Variants in DNAH2 observed in about 807,000 individuals in gnomAD.
DNAH2 encodes the protein axonemal beta dynein heavy chain 2.
In DNAH2, 323 loss-of-function variants were observed where a neutral mutation model predicts 523.5. The ratio of observed to expected loss-of-function variants is 0.62; its 90% CI spans 0.56 to 0.68. The LOEUF (loss-of-function observed/expected upper bound fraction) is 0.68. Among genes scored for constraint, DNAH2 ranks in the 30% least tolerant of loss-of-function variants. DNAH2 has a pLI of 0.00. For missense variants in DNAH2, 4,907 were observed against 5,701.5 expected (o/e 0.86, Z 4.49); for synonymous variants, 2,093 against 2,177.4 (o/e 0.96, Z 1.08).
chr17:7,728,353 A>G (rs2543540), intron 4 of DNAH2, among the ~76,000 whole-genome samples: 94,237 of 152,010 alleles, frequency 0.62, 30,106 homozygotes, highest in East Asian at 1. Flanking sequence ...TGCTTTGCTC[A>G]TATTGGCGGC....
In DNAH2 at chr17:7,743,043, G is replaced by T; in HGVS notation, c.1805G>T (p.Trp602Leu). ...DELVRKTFQE[W>L]TSSLDKDCIR... Reference sequence around the variant, plus strand: ...CTGGTTCGAAAAACCTTCCAAGAGTGGACATCAAGTCTGGACAAGGATTGC... The same window carrying T: ...CTGGTTCGAAAAACCTTCCAAGAGTTGACATCAAGTCTGGACAAGGATTGC... The change falls in exon 12 of 86, where the codon TGG becomes TTG. Residue 602 changes from tryptophan (W) to leucine (L), a missense_variant. Trp to Leu is a moderately conservative substitution (Grantham distance 61, BLOSUM62 -2). Around this residue, in one of 3 missense-constraint regions of DNAH2, gnomAD observed 2,806 missense variants for 3,190.8 expected, o/e 0.88. Coordinates refer to ENST00000572933, the MANE Select transcript of DNAH2 (RefSeq NM_020877.5). 1 of 1,527,390 alleles carries T rather than the reference G, an allele frequency of 6.5e-7. No homozygotes were observed. Among genetic ancestry groups the T allele is most frequent in the Non-Finnish European group, 8.8e-7 (1 of 1,142,000 alleles). The allele number at this position is 1,527,390 out of a possible 1,614,324, so 94.6% of individuals were successfully genotyped here. A position where few individuals can be genotyped will look rare whatever the true frequency, so the allele number is the denominator to read the frequency against.
chr17:7,721,376 G>A (rs916289493), intron 2 of DNAH2, among the ~76,000 whole-genome samples: 54 of 152,058 alleles, frequency 3.6e-4, no homozygotes, highest in Admixed American at 7.2e-4. Flanking sequence ...GTTTCACCAT[G>A]TTGCCCAGGC....
At position 7,786,828 on chromosome 17, in the gene DNAH2, C is replaced by T. The variant is rs1023735771; in HGVS notation, c.6467-69C>T. The T allele has an allele frequency of 1.9e-5, 31 of 1,608,862 alleles. No homozygotes were observed. The highest frequency in any genetic ancestry group is 1.7e-4 in the Middle Eastern group (1 of 6,046). ...ACAAGGGAGTGTAGGCTTGTGTCTC[C>T]GAGGAGCGTGAGCGGAGGGTGCAAG... On this transcript the variant is annotated intron_variant, in intron 41 of 85. Transcript: ENST00000572933. The surrounding 1 kb of genome is among the most constrained non-coding windows in gnomAD (Gnocchi z 7.5).
At chr17:7,722,239 G>A (rs989223890) in intron 2 of DNAH2, among the ~76,000 whole-genome samples, 6 of 151,806 alleles carry the variant, frequency 4.0e-5, no homozygotes, top group African/African-American at 1.5e-4. Flanking sequence ...GCCTGACTTC[G>A]GGCGATCCAC....
chr17:7,816,808 TGAG>T (rs1314529804), intron 64 of DNAH2, 73 bp downstream of exon 64: 1 of 1,560,110 alleles, frequency 6.4e-7, no homozygotes, highest in African/African-American at 1.4e-5. Context: ...CCTTTTAGCT[TGAG>T]GAGCAGTCAG....
At chr17:7,725,451 G>A in intron 3 of DNAH2, among the ~76,000 whole-genome samples, 1 of 84,920 alleles carries the variant, frequency 1.2e-5, no homozygotes, top group Non-Finnish European at 2.9e-5. Flanking sequence ...TTTTCTTTTT[G>A]AGACAGAGTC....
Position 7,832,643 on chromosome 17 carries a change from T to C in DNAH2, c.12791T>C (p.Phe4264Ser), listed in dbSNP as rs1567774625. 2.5e-6 allele frequency: 4 copies of C among 1,614,148 alleles called. No individual in the cohort carries two copies. In the East Asian group the frequency reaches 8.9e-5, roughly 36 times the overall value. The change falls in exon 83 of 86, where the codon TTT becomes TCT. Residue 4264 changes from phenylalanine (F) to serine (S), a missense_variant. Coordinates refer to ENST00000572933, the MANE Select transcript of DNAH2 (RefSeq NM_020877.5). The surrounding 1 kb of genome is among the most constrained non-coding windows in gnomAD (Gnocchi z 4.3). ...GACTTGGCCATGCGTGTGGAGCAGTTTGAGCTGTGGGCCAGCCGGGCCCGG... is the reference window on the plus strand; with the variant it reads ...GACTTGGCCATGCGTGTGGAGCAGTCTGAGCTGTGGGCCAGCCGGGCCCGG... ...TRDLAMRVEQFELWASRARPP... is the reference protein window; with the variant it reads ...TRDLAMRVEQSELWASRARPP...
intron 12 of DNAH2, among the ~76,000 whole-genome samples, chr17:7,753,385 G>A (rs1043989370): frequency 1.3e-5 from 2 of 152,136 alleles, no homozygotes; most frequent in Non-Finnish European, 2.9e-5. Flanking sequence ...ATCAGCTTTC[G>A]GAAGGCAGCC....
chr17:7,749,348 A>AAAAAAAAAAAAAAAAAAT (rs2075619264), intron 12 of DNAH2, among the ~76,000 whole-genome samples: 1 of 136,876 alleles, frequency 7.3e-6, no homozygotes, highest in Non-Finnish European at 1.6e-5. Flanking sequence ...AAAAAAAAAA[A>AAAAAAAAAAAAAAAAAAT]GAAAGAAAAA....
intron 18 of DNAH2, among the ~76,000 whole-genome samples, chr17:7,763,031 A>T (rs1420232740): frequency 6.6e-6 from 1 of 151,838 alleles, no homozygotes; most frequent in Non-Finnish European, 1.5e-5. Flanking sequence ...GCTGGAGTGC[A>T]GTGGCGCCAT....
intron 18 of DNAH2, among the ~76,000 whole-genome samples, chr17:7,762,906 A>AC (rs2076046915): frequency 6.6e-6 from 1 of 151,934 alleles, no homozygotes; most frequent in African/African-American, 2.4e-5. Flanking sequence ...AAAAAAAAAA[A>AC]AAACCTGCCT....
intron 12 of DNAH2, 53 bp from the exon 13 acceptor site, chr17:7,757,038 C>G (rs1174977188): frequency 6.2e-7 from 1 of 1,605,258 alleles, no homozygotes; most frequent in Non-Finnish European, 8.5e-7. Flanking sequence ...GATTGTTGCT[C>G]TAGTTTATCC....
intron 24 of DNAH2, 28 bp from the exon 25 acceptor site, chr17:7,770,224 C>A: frequency 6.4e-7 from 1 of 1,572,894 alleles, no homozygotes; most frequent in Admixed American, 1.8e-5. Context: ...ACTCTCCTGA[C>A]CTCACACCCT....
In DNAH2 at chr17:7,778,331, C is replaced by G. The variant is rs764968232; in HGVS notation, c.5403C>G (p.Pro1801=). ...TALHLHRGGS[P]KGPAGTGKTE... ...TGCACCTGCACCGAGGGGGCTCCCC[C>G]AAAGGCCCTGCAGGCACAGGCAAGA... is the stretch of plus-strand genomic sequence containing the variant. The change falls in exon 35 of 86, where the codon CCC becomes CCG. Residue 1801 remains proline (P), a synonymous_variant. Transcript: ENST00000572933. 26 of 1,614,086 alleles carry G rather than the reference C, an allele frequency of 1.6e-5. No homozygotes were observed. Among genetic ancestry groups the G allele is most frequent in the Non-Finnish European group, 2.0e-5 (24 of 1,180,044 alleles).
rs183678136 is a variant in DNAH2 at position 7,777,620 on chromosome 17, T to C, written c.5233T>C (p.Phe1745Leu). 210 of 1,614,072 alleles carry C rather than the reference T, an allele frequency of 1.3e-4. 1 individual carries two copies. In the East Asian group the frequency reaches 4.5e-3, roughly 35 times the overall value. Residue 1745 changes from phenylalanine (F) to leucine (L), a missense_variant, in exon 33 of 86, where the codon TTC becomes CTC. Transcript: ENST00000572933. Reference sequence around the variant, plus strand: ...CTTTGACTGGCTCAGCCAACTTCGGTTCTACTGGGAGAAGGTGCCAGATGG... The same window carrying C: ...CTTTGACTGGCTCAGCCAACTTCGGCTCTACTGGGAGAAGGTGCCAGATGG... ...NSFDWLSQLR[F>L]YWEKDLDDCV...
chr17:7,808,790 A>G (rs1212833046), intron 63 of DNAH2, among the ~76,000 whole-genome samples: 1 of 152,154 alleles, frequency 6.6e-6, no homozygotes, highest in Non-Finnish European at 1.5e-5. Flanking sequence ...TTGTATTTTT[A>G]GTAGAGACGG....
intron 42 of DNAH2, 122 bp from the exon 43 acceptor site, chr17:7,787,735 TAAA>T (rs34626825): frequency 0.012 from 11,120 of 918,426 alleles, no homozygotes; most frequent in South Asian, 0.018. Flanking sequence ...GACTTTGTCT[TAAA>T]AAAAAAAAAA....
In DNAH2 at chr17:7,828,710, C is replaced by CT. The variant is rs1222679614; in HGVS notation, c.11854-1589dup. ...CCTCCCATCTTGGCCTCCCAAAGTG[C>CT]TGAGATTACAGGTGTGAGCCACTAT... On this transcript the variant is annotated intron_variant, in intron 77 of 85. Transcript: ENST00000572933. This position sits in a 1 kb window ranked among gnomAD's most constrained non-coding sequence, Gnocchi z 4.1. Among the ~76,000 whole-genome samples the CT allele has an allele frequency of 1.3e-5, 2 of 152,080 alleles. No homozygotes were observed. The highest frequency in any genetic ancestry group is 2.4e-5 in the African/African-American group (1 of 41,340).
At position 7,754,457 on chromosome 17, in the gene DNAH2, C is replaced by T. The variant is rs1393319815; in HGVS notation, c.1905-2634C>T. On this transcript the variant is annotated intron_variant, in intron 12 of 85. Coordinates refer to ENST00000572933, the MANE Select transcript of DNAH2 (RefSeq NM_020877.5). This position sits in a 1 kb window ranked among gnomAD's most constrained non-coding sequence, Gnocchi z 4.6. The stretch of plus-strand genomic sequence containing the variant: ...TGGCACAGAAATGGTATCAAGAAAC[C>T]GCGATCACAAAGATACAAATCTCTT... 7 of 676,924 alleles carry T rather than the reference C, an allele frequency of 1.0e-5. No individual in the cohort carries two copies. Among genetic ancestry groups the T allele is most frequent in the African/African-American group, 3.6e-5 (2 of 55,996 alleles). 41.9% of individuals were successfully genotyped at this position (676,924 alleles called of 1,614,324 possible). A position where few individuals can be genotyped will look rare whatever the true frequency, so the allele number is the denominator to read the frequency against.
Sources: gnomAD v4.1 joint callset for allele counts (sites outside exome capture counted in the v4.1 genomes callset) on GRCh38, gnomAD v4.1.1 for gene constraint, gnomAD v4.1.1 regional missense constraint, Gnocchi (gnomAD v3.1) non-coding constraint, MANE v1.5 for transcripts, NCBI Gene and HGNC (gene_info 2026-07-23, HGNC 2026-07-21) for gene names.